Variants in NQO1 observed in about 807,000 individuals in gnomAD.
The protein encoded by NQO1 is NAD(P)H dehydrogenase [quinone] 1.
NQO1 carries 30 observed loss-of-function variants against 32.1 expected under a neutral mutation model. The ratio of observed to expected loss-of-function variants is 0.94; its 90% CI spans 0.70 to 1.27. The LOEUF (loss-of-function observed/expected upper bound fraction) is 1.27, where lower values mean the gene tolerates loss of function less well. Among genes scored for constraint, NQO1 ranks in the 50% most tolerant of loss-of-function variants. NQO1 has a pLI of 0.00. For synonymous variants in NQO1, 109 were observed against 119.7 expected (o/e 0.91, Z 0.59); for missense variants, 276 against 331.3 (o/e 0.83, Z 1.30).
At chr16:69,717,091 A>AG (rs1335860932) in intron 3 of NQO1, among the ~76,000 whole-genome samples, 1 of 151,006 alleles carries the variant, frequency 6.6e-6, no homozygotes, top group African/African-American at 2.5e-5. Flanking sequence ...AAAAAAAAAA[A>AG]AGAGAGAGAG....
At chr16:69,726,224 G>A (rs922413202) in intron 1 of NQO1, among the ~76,000 whole-genome samples, 1 of 152,130 alleles carries the variant, frequency 6.6e-6, no homozygotes. Flanking sequence ...TTCGTGGGGT[G>A]GAGTGAGGAA....
At chr16:69,722,539 T>C (rs927385855) in intron 1 of NQO1, among the ~76,000 whole-genome samples, 1 of 152,208 alleles carries the variant, frequency 6.6e-6, no homozygotes, top group Non-Finnish European at 1.5e-5. Flanking sequence ...AACCTTAAGC[T>C]CTCTTCCTGC....
At chr16:69,716,274 C>T (rs1287071484) in intron 3 of NQO1, among the ~76,000 whole-genome samples, 1 of 151,684 alleles carries the variant, frequency 6.6e-6, no homozygotes, top group East Asian at 1.9e-4. Flanking sequence ...GTGGGTGGAT[C>T]ACTTGAGGTC....
intron 5 of NQO1, 121 bp downstream of exon 5, chr16:69,712,907 T>G: frequency 1.3e-6 from 1 of 767,730 alleles, no homozygotes; most frequent in Non-Finnish European, 2.1e-6. Context: ...GCAGGAGAAT[T>G]GCTCGAACCC....
intron 3 of NQO1, among the ~76,000 whole-genome samples, chr16:69,716,445 T>G (rs927813687): frequency 1.3e-5 from 2 of 150,766 alleles, no homozygotes; most frequent in African/African-American, 4.9e-5. Context: ...TGAGCCGAGA[T>G]TGCACCATTG....
chr16:69,711,194 G>A lies in NQO1; in HGVS notation c.607C>T (p.Gln203Ter), dbSNP rs2038035453. Residue 203 changes from glutamine (Q) to a stop codon, truncating the protein, a stop_gained, in exon 6 of 6, where the codon CAA (glutamine) becomes TAA (stop). Transcript: ENST00000320623. LOFTEE classifies it high-confidence loss of function. The stretch of plus-strand genomic sequence containing the variant: ...CGTTTCTTCCATCCTTCCAGGATTT[G>A]AATTCGGGCGTCTGCTGGAGTGTGC... ...IGHTPADARIQILEGWKKRLE... is the reference protein window; with the variant it reads ...IGHTPADARI 6.2e-7 allele frequency: 1 copy of A among 1,614,052 alleles called. No individual in the cohort carries two copies. The highest frequency in any genetic ancestry group is 8.5e-7 in the Non-Finnish European group (1 of 1,180,046).
At position 69,711,042 on chromosome 16, in the gene NQO1, G is replaced by A; in HGVS notation, c.759C>T (p.Gly253=). Residue 253 remains glycine (G), a synonymous_variant, in exon 6 of 6, where the codon GGC becomes GGT. Transcript: ENST00000320623. ...TGCCCAAGTGATGGCCCACAGAAAGGCCAAATTTCTTGTTTTTCTCCTCAT... is the reference window on the plus strand; with the variant it reads ...TGCCCAAGTGATGGCCCACAGAAAGACCAAATTTCTTGTTTTTCTCCTCAT... ...VQDEEKNKKF[G]LSVGHHLGKS... 1 of 1,614,154 alleles carries A rather than the reference G, an allele frequency of 6.2e-7. No individual in the cohort carries two copies. The highest frequency in any genetic ancestry group is 1.3e-5 in the African/African-American group (1 of 75,040).
Position 69,711,200 on chromosome 16 carries a change from G to A in NQO1, c.601C>T (p.Arg201Ter), listed in dbSNP as rs754187281. The change falls in exon 6 of 6, where the codon CGA becomes TGA. Residue 201 changes from arginine to a stop codon, truncating the protein, a stop_gained. Coordinates refer to ENST00000320623, the MANE Select transcript of NQO1 (RefSeq NM_000903.3). LOFTEE classifies it high-confidence loss of function. ...TTCCATCCTTCCAGGATTTGAATTC[G>A]GGCGTCTGCTGGAGTGTGCCCAATG... ...YSIGHTPADA[R>*]IQILEGWKKR... 21 of 1,613,968 alleles carry A rather than the reference G, an allele frequency of 1.3e-5. No individual in the cohort carries two copies. The highest frequency in any genetic ancestry group is 2.2e-5 in the East Asian group (1 of 44,902).
chr16:69,717,124 G>A (rs2038124236), intron 3 of NQO1, among the ~76,000 whole-genome samples: 1 of 151,196 alleles, frequency 6.6e-6, no homozygotes, highest in Non-Finnish European at 1.5e-5. Context: ...AACACAGCCT[G>A]TACCACCCTC....
chr16:69,726,378 A>G lies in NQO1; in HGVS notation c.7+55T>C, dbSNP rs548841973. 3.7e-6 allele frequency: 6 copies of G among 1,607,064 alleles called. No homozygotes were observed. In the Admixed American group the frequency reaches 1.0e-4, roughly 27 times the overall value. On this transcript the variant is annotated intron_variant, in intron 1 of 5. Coordinates refer to ENST00000320623, the MANE Select transcript of NQO1 (RefSeq NM_000903.3). ...GCCAAGCCCCTACAACCTCCTCCAC[A>G]GGCACCAGTGCTCGAGAGACGACCG...
chr16:69,712,780 G>T (rs1006425080), intron 5 of NQO1, among the ~76,000 whole-genome samples: 1 of 152,150 alleles, frequency 6.6e-6, no homozygotes, highest in Non-Finnish European at 1.5e-5. Flanking sequence ...TGAGGCAGGA[G>T]AATCATTTGA....
chr16:69,726,242 C>T (rs1010460116), intron 1 of NQO1, among the ~76,000 whole-genome samples, 191 bp downstream of exon 1: 4 of 152,066 alleles, frequency 2.6e-5, no homozygotes, highest in Non-Finnish European at 5.9e-5. Flanking sequence ...GAAGGATCCG[C>T]GACACCGGAT....
intron 1 of NQO1, among the ~76,000 whole-genome samples, chr16:69,724,417 C>G (rs1047301070): frequency 4.6e-5 from 7 of 152,050 alleles, no homozygotes; most frequent in Non-Finnish European, 7.4e-5. Flanking sequence ...GTCTTGAACT[C>G]CTGGCCTCAA....
rs1555537920 is a variant in NQO1 at position 69,716,192 on chromosome 16, A to ATCATC, written c.304-1116_304-1115insGATGA. Among the ~76,000 whole-genome samples, 187 of 144,174 alleles carry ATCATC rather than the reference A, an allele frequency of 1.3e-3. 1 individual carries two copies. The highest frequency in any genetic ancestry group is 4.3e-3 in the African/African-American group (163 of 38,282). 94.6% of individuals were successfully genotyped at this position (144,174 alleles called of 152,430 possible). A position where few individuals can be genotyped will look rare whatever the true frequency, so the allele number is the denominator to read the frequency against. ...AAATAATAATAATAATAATAATAAT[A>ATCATC]ATCATCATCATCATCAACGTGGCTA... On this transcript the variant is annotated intron_variant, in intron 3 of 5. Transcript: ENST00000320623.
chr16:69,712,457 G>A (rs554322710), intron 5 of NQO1, among the ~76,000 whole-genome samples: 3 of 152,240 alleles, frequency 2.0e-5, no homozygotes, highest in East Asian at 1.9e-4. Flanking sequence ...CAGGGCCCAC[G>A]GCTATACAAA....
intron 1 of NQO1, among the ~76,000 whole-genome samples, chr16:69,721,123 G>A (rs1352344220): frequency 6.6e-6 from 1 of 150,864 alleles, no homozygotes; most frequent in African/African-American, 2.4e-5. Flanking sequence ...TGCCCAGGCT[G>A]GGGCAATTTT....
intron 3 of NQO1, among the ~76,000 whole-genome samples, chr16:69,716,946 C>T (rs2917677): frequency 0.34 from 52,160 of 151,888 alleles, 9,708 homozygotes; most frequent in Non-Finnish European, 0.42. Context: ...GAGACCTTGT[C>T]TCCAATTTAA....
At chr16:69,726,397 A>ACGAC in intron 1 of NQO1, 36 bp downstream of exon 1, 2 of 1,611,080 alleles carry the variant, frequency 1.2e-6, no homozygotes, top group South Asian at 2.2e-5. Context: ...TGCTCGAGAG[A>ACGAC]CGACCGCCAA....
rs1348434074 is a variant in NQO1, at chr16:69,709,927, A to AT, written c.*1048dup. 7.5e-6 allele frequency: 3 copies of AT among 397,880 alleles called. No homozygotes were observed. Among genetic ancestry groups the AT allele is most frequent in the East Asian group, 7.1e-5 (2 of 28,052 alleles). The allele number at this position is 397,880 out of a possible 1,614,324, so 24.6% of individuals were successfully genotyped here. ...AATTTGTATAGATCAGAAATAAAGTATTTTTTGTGGAAGACTATTTTTAAG... is the reference window on the plus strand; with the variant it reads ...AATTTGTATAGATCAGAAATAAAGTATTTTTTTGTGGAAGACTATTTTTAAG... On this transcript the variant is annotated 3_prime_UTR_variant, in exon 6 of 6. Transcript: ENST00000320623.
Sources: gnomAD v4.1 joint callset for allele counts (sites outside exome capture counted in the v4.1 genomes callset) on GRCh38, gnomAD v4.1.1 for gene constraint, MANE v1.5 for transcripts, NCBI Gene and HGNC (gene_info 2026-07-23, HGNC 2026-07-21) for gene names.